The following ANK3 variants were observed in gnomAD, a reference collection of about 807,000 sequenced individuals.
The protein encoded by ANK3 is ankyrin-3.
A neutral mutation model predicts 370.9 loss-of-function variants in ANK3; 57 were observed. The observed-to-expected ratio is 0.15, with a 90% CI of 0.12 to 0.19. The LOEUF (loss-of-function observed/expected upper bound fraction) is 0.19. Ranked by LOEUF, ANK3 falls within the 10% of genes least tolerant of loss-of-function variation. ANK3 has a pLI of 1.00. For missense variants in ANK3, 4,439 were observed against 5,302.1 expected (o/e 0.84, Z 5.06); for synonymous variants, 1,929 against 1,946.3 (o/e 0.99, Z 0.23).
chr10:60,360,015 TA>T (rs1233618646), intron 1 of ANK3, among the ~76,000 whole-genome samples: 3 of 152,236 alleles, frequency 2.0e-5, no homozygotes, highest in African/African-American at 7.2e-5. Flanking sequence ...TGAACTAGTA[TA>T]ATAAAATAGT....
intron 1 of ANK3, among the ~76,000 whole-genome samples, chr10:60,729,941 G>A (rs988013582): frequency 2.0e-5 from 3 of 152,114 alleles, no homozygotes; most frequent in African/African-American, 7.2e-5. Flanking sequence ...ACAGGAATCT[G>A]ATCAACTCCT....
At chr10:60,093,414 C>CAGATTTA (rs2132044014) in intron 28 of ANK3, among the ~76,000 whole-genome samples, 1 of 152,300 alleles carries the variant, frequency 6.6e-6, no homozygotes, top group South Asian at 2.1e-4. Flanking sequence ...TCAAATGGGG[C>CAGATTTA]AGATTTCCTA....
In ANK3 at chr10:60,134,313, G is replaced by A. The variant is rs1216305012; in HGVS notation, c.2799C>T (p.Asp933=). The A allele has an allele frequency of 6.2e-7, 1 of 1,613,940 alleles. No individual in the cohort carries two copies. Among genetic ancestry groups the A allele is most frequent in the South Asian group, 1.1e-5 (1 of 91,076 alleles). Reference sequence around the variant, plus strand: ...CAAGGAGTTCTTCAATCATCATGCTGTCCCGTGCATAGGAGCTTCTGTTCA... The same window carrying A: ...CAAGGAGTTCTTCAATCATCATGCTATCCCGTGCATAGGAGCTTCTGTTCA... ...YTLNRSSYAR[D]SMMIEELLVP... Residue 933 remains aspartate, a synonymous_variant, in exon 25 of 44, where the codon GAC becomes GAT. Transcript: ENST00000280772.
intron 2 of ANK3, among the ~76,000 whole-genome samples, chr10:60,439,966 C>A (rs141943392): frequency 4.6e-5 from 7 of 152,270 alleles, no homozygotes; most frequent in Non-Finnish European, 7.4e-5. Flanking sequence ...TTAATTAATA[C>A]ATTCTGCACT....
At chr10:60,361,574 GTTCAGTCACTTTA>G (rs1293175626) in intron 1 of ANK3, among the ~76,000 whole-genome samples, 1 of 152,120 alleles carries the variant, frequency 6.6e-6, no homozygotes, top group East Asian at 1.9e-4. Context: ...ATTTCATATA[GTTCAGTCACTTTA>G]TTCAGTAAGA....
At chr10:60,134,137 GGCT>G in intron 25 of ANK3, 131 bp downstream of exon 25, 1 of 687,712 alleles carries the variant, frequency 1.5e-6, no homozygotes, top group Non-Finnish European at 2.4e-6. Flanking sequence ...TTTTTTAACT[GGCT>G]AGTACCAGAA....
chr10:60,704,000 C>T (rs1329428711), intron 1 of ANK3, among the ~76,000 whole-genome samples: 1 of 152,126 alleles, frequency 6.6e-6, no homozygotes, highest in Non-Finnish European at 1.5e-5. Context: ...TAAGAAGCCC[C>T]GCAACTTCCA....
At chr10:60,185,806 A>T (rs1252519525) in intron 17 of ANK3, among the ~76,000 whole-genome samples, 1 of 152,186 alleles carries the variant, frequency 6.6e-6, no homozygotes, top group Non-Finnish European at 1.5e-5. Context: ...AATTTGATAC[A>T]TACAGGGAGA....
chr10:60,348,347 CAAAAAAAAA>C (rs35147179), intron 1 of ANK3, among the ~76,000 whole-genome samples: 2 of 68,172 alleles, frequency 2.9e-5, no homozygotes, highest in African/African-American at 1.3e-4. Context: ...TATCACTAGC[CAAAAAAAAA>C]AAAAAAAAAA....
chr10:60,452,123 TA>T (rs931925460), intron 2 of ANK3, among the ~76,000 whole-genome samples: 4 of 152,088 alleles, frequency 2.6e-5, no homozygotes, highest in African/African-American at 9.7e-5. Flanking sequence ...CCCATGACCC[TA>T]GGGGTAAGAA....
intron 4 of ANK3, among the ~76,000 whole-genome samples, chr10:60,275,121 C>G (rs1474018222): frequency 6.6e-6 from 1 of 152,080 alleles, no homozygotes; most frequent in Non-Finnish European, 1.5e-5. Flanking sequence ...AGAACATTTC[C>G]AAAACAAAGG....
rs544739200 is a variant in ANK3 at position 60,315,638 on chromosome 10, T to A, written c.115-35999A>T. On this transcript the variant is annotated intron_variant, in intron 1 of 43. Transcript: ENST00000280772. ...TGTCCACCTGTTACTGTGGAGAGAA[T>A]GTTTTGGTAAAATTTAATCTGAAGA... Among the ~76,000 whole-genome samples, 20 of 152,318 alleles carry A rather than the reference T, an allele frequency of 1.3e-4. No homozygotes were observed. In the Middle Eastern group the frequency reaches 0.017, roughly 130 times the overall value.
chr10:60,221,084 C>CCT (rs1555160946), intron 8 of ANK3, among the ~76,000 whole-genome samples: 1 of 142,196 alleles, frequency 7.0e-6, no homozygotes, highest in Non-Finnish European at 1.5e-5. Context: ...TTGATTTTGC[C>CCT]TTTTTTTTTT....
At chr10:60,459,634 C>A (rs1475219437) in intron 2 of ANK3, among the ~76,000 whole-genome samples, 1 of 152,090 alleles carries the variant, frequency 6.6e-6, no homozygotes, top group Non-Finnish European at 1.5e-5. Flanking sequence ...ATTAATGATG[C>A]CTGCTGGATT....
intron 1 of ANK3, among the ~76,000 whole-genome samples, chr10:60,345,932 T>C (rs2055360466): frequency 6.6e-6 from 1 of 152,042 alleles, no homozygotes; most frequent in Admixed American, 6.6e-5. Flanking sequence ...TAAAAACTAG[T>C]TCAAAAATAA....
intron 1 of ANK3, among the ~76,000 whole-genome samples, chr10:60,373,865 G>A (rs540214101): frequency 5.9e-5 from 9 of 152,244 alleles, no homozygotes; most frequent in Non-Finnish European, 1.0e-4. Context: ...AGGTGCTTAC[G>A]CTAACCCCAG....
At chr10:60,679,330 T>C (rs1381522630) in intron 1 of ANK3, among the ~76,000 whole-genome samples, 1 of 152,162 alleles carries the variant, frequency 6.6e-6, no homozygotes, top group East Asian at 1.9e-4. Context: ...CATCAGGTGA[T>C]GGTCAGGCGG....
chr10:60,030,573 G>A (rs4528269), intron 43 of ANK3, among the ~76,000 whole-genome samples: 103,221 of 152,060 alleles, frequency 0.68, 37,576 homozygotes, highest in Non-Finnish European at 0.83. Flanking sequence ...AAGTTCTCAG[G>A]CTGGGGAGCT....
chr10:60,271,398 G>T (rs72820498), intron 4 of ANK3, among the ~76,000 whole-genome samples: 2,495 of 151,832 alleles, frequency 0.016, 28 homozygotes, highest in Non-Finnish European at 0.025. Flanking sequence ...ATAGAGACTG[G>T]GTCTCCCTGT....
Sources: gnomAD v4.1 joint callset for allele counts (sites outside exome capture counted in the v4.1 genomes callset) on GRCh38, gnomAD v4.1.1 for gene constraint, MANE v1.5 for transcripts, NCBI Gene and HGNC (gene_info 2026-07-23, HGNC 2026-07-21) for gene names.